Variants in WDR44 observed in about 807,000 individuals in gnomAD.
WDR44 encodes the protein WD repeat domain 44, also known as WD repeat-containing protein 44.
A neutral mutation model predicts 65.7 loss-of-function variants in WDR44; 9 were observed. The observed-to-expected ratio is 0.14, with a 90% CI of 0.08 to 0.24. The LOEUF (loss-of-function observed/expected upper bound fraction) is 0.24, where lower values mean the gene tolerates loss of function less well. Among genes scored for constraint, WDR44 ranks in the 10% least tolerant of loss-of-function variants. The pLI, the probability that WDR44 is intolerant of heterozygous loss-of-function variation, is 1.00. For missense variants in WDR44, 425 were observed against 670.9 expected (o/e 0.63, Z 4.05); for synonymous variants, 220 against 235.2 (o/e 0.94, Z 0.59).
chrX:118,350,332 ACTGT>A (rs754815894), intron 1 of WDR44, among the ~76,000 whole-genome samples: 3 of 111,620 alleles, frequency 2.7e-5, no homozygotes, highest in Non-Finnish European at 5.6e-5. Flanking sequence ...GATCAGTTTG[ACTGT>A]CTGGCGTTCT....
intron 1 of WDR44, among the ~76,000 whole-genome samples, chrX:118,352,374 G>C (rs1399252792): frequency 7.2e-5 from 1 of 13,866 alleles, no homozygotes; most frequent in East Asian, 1.7e-3. Flanking sequence ...TTTTTTTTTT[G>C]TAGAGATGGG....
At chrX:118,405,223 A>G (rs773614535) in intron 9 of WDR44, among the ~76,000 whole-genome samples, 1 of 109,041 alleles carries the variant, frequency 9.2e-6, no homozygotes, top group African/African-American at 3.4e-5. Flanking sequence ...TTTAGCAGAG[A>G]CAGGGTTTTG....
Position 118,409,486 on chromosome X carries a change from T to A in WDR44, c.1534-3T>A. 1 of 1,208,148 alleles carries A rather than the reference T, an allele frequency of 8.3e-7. No individual in the cohort carries two copies. Among genetic ancestry groups the A allele is most frequent in the Non-Finnish European group, 1.1e-6 (1 of 894,316 alleles). Reference sequence around the variant, plus strand: ...AACTTTGAAACTTCTTTTGTTTTCATAGGGAGCTGTTTGGACCATGAAATT... The same window carrying A: ...AACTTTGAAACTTCTTTTGTTTTCAAAGGGAGCTGTTTGGACCATGAAATT... On this transcript the variant is annotated splice_polypyrimidine_tract_variant and splice_region_variant and intron_variant, in intron 10 of 19. Transcript: ENST00000254029.
intron 12 of WDR44, among the ~76,000 whole-genome samples, chrX:118,424,295 A>ATGTGTATATATATATGTGTGTGTGTGTG (rs2057132729): frequency 1.6e-5 from 1 of 64,048 alleles, no homozygotes; most frequent in Admixed American, 1.8e-4. Flanking sequence ...GTGTGTGTGT[A>ATGTGTATATATATATGTGTGTGTGTGTG]TGTGTATATA....
intron 14 of WDR44, among the ~76,000 whole-genome samples, chrX:118,437,315 C>G (rs1226607626): frequency 8.9e-6 from 1 of 111,838 alleles, no homozygotes; most frequent in Non-Finnish European, 1.9e-5. Context: ...TATCTTTCCC[C>G]CAGAAATAAA....
intron 3 of WDR44, among the ~76,000 whole-genome samples, chrX:118,389,459 G>A (rs892558328): frequency 6.3e-5 from 7 of 111,227 alleles, no homozygotes; most frequent in African/African-American, 1.6e-4. Flanking sequence ...GGTGGCTCAC[G>A]CCTATAATCC....
intron 12 of WDR44, among the ~76,000 whole-genome samples, chrX:118,420,299 T>C (rs1331779707): frequency 9.0e-6 from 1 of 111,072 alleles, no homozygotes; most frequent in Non-Finnish European, 1.9e-5. Flanking sequence ...TCGCCGAGGC[T>C]GGAGTGCAGT....
At chrX:118,444,875 C>T (rs903776959) in intron 19 of WDR44, 5 of 307,466 alleles carry the variant, frequency 1.6e-5, no homozygotes, top group Non-Finnish European at 3.1e-5. Flanking sequence ...GCTGGGATTA[C>T]AGGCATGAGC....
At chrX:118,394,208 T>A in intron 5 of WDR44, 23 bp downstream of exon 5, 1 of 1,206,150 alleles carries the variant, frequency 8.3e-7, no homozygotes, top group Non-Finnish European at 1.1e-6. Context: ...GTGTTCTGTT[T>A]CATATAGACT....
Position 118,424,321 on chromosome X carries a change from GTGTA to G in WDR44, c.1738-8458_1738-8455del, listed in dbSNP as rs1569379429. 4.2e-3 allele frequency among the ~76,000 whole-genome samples: 266 copies of G among 63,438 alleles called. 5 individuals are homozygous for G. Among genetic ancestry groups the G allele is most frequent in the African/African-American group, 0.039 (256 of 6,596 alleles). 55.1% of individuals were successfully genotyped at this position (63,438 alleles called of 115,157 possible). On this transcript the variant is annotated intron_variant, in intron 12 of 19. Coordinates refer to ENST00000254029, the MANE Select transcript of WDR44 (RefSeq NM_019045.5). ...TGTGTATATATATATATGTGTGTGT[GTGTA>G]TATATATATATATATATATATATGT...
In WDR44 at chrX:118,375,103, A is replaced by T. The variant is rs183920345; in HGVS notation, c.78-3316A>T. On this transcript the variant is annotated intron_variant, in intron 1 of 19. Transcript: ENST00000254029. ...TGTCAGTAATTAGCCAATAACTTTG[A>T]TCCTATGAATCAACAGCCAGAGAGT... Among the ~76,000 whole-genome samples the T allele has an allele frequency of 3.0e-3, 333 of 111,711 alleles. 1 individual carries two copies. Among genetic ancestry groups the T allele is most frequent in the Non-Finnish European group, 4.6e-3 (245 of 53,165 alleles).
chrX:118,428,294 T>C (rs1602962243), intron 12 of WDR44, among the ~76,000 whole-genome samples: 1 of 108,609 alleles, frequency 9.2e-6, no homozygotes, highest in African/African-American at 3.3e-5. Context: ...TCTCAAAAAA[T>C]AGTAATAATA....
At chrX:118,385,741 T>A (rs1234871081) in intron 2 of WDR44, among the ~76,000 whole-genome samples, 2 of 111,717 alleles carry the variant, frequency 1.8e-5, no homozygotes, top group Non-Finnish European at 3.8e-5. Flanking sequence ...GGAAGTATTT[T>A]CTGATAAAAT....
intron 12 of WDR44, among the ~76,000 whole-genome samples, chrX:118,430,007 T>G (rs1424032746): frequency 9.0e-6 from 1 of 111,509 alleles, no homozygotes; most frequent in Admixed American, 9.6e-5. Flanking sequence ...GAAGAATGAT[T>G]AATCGTGATG....
At chrX:118,433,335 A>G (rs2057227395) in intron 13 of WDR44, among the ~76,000 whole-genome samples, 1 of 111,183 alleles carries the variant, frequency 9.0e-6, no homozygotes, top group African/African-American at 3.3e-5. Flanking sequence ...TATGTTCTAG[A>G]TTCCCTTCCT....
chrX:118,410,285 G>A (rs896504549), intron 11 of WDR44, among the ~76,000 whole-genome samples: 2 of 111,493 alleles, frequency 1.8e-5, no homozygotes, highest in Non-Finnish European at 3.8e-5. Context: ...GAAGAAAGGT[G>A]GCCATGGGTG....
chrX:118,407,382 T>G (rs188620358), intron 10 of WDR44, among the ~76,000 whole-genome samples: 33 of 109,986 alleles, frequency 3.0e-4, no homozygotes, highest in African/African-American at 1.1e-3. Context: ...GTGCCTGTAA[T>G]CCCAGCTACT....
At chrX:118,445,137 T>C (rs1273713112) in intron 19 of WDR44, 10 of 237,173 alleles carry the variant, frequency 4.2e-5, no homozygotes, top group Non-Finnish European at 7.8e-5. Context: ...CTACTAAAAA[T>C]ACAAAAAATT....
Position 118,409,614 on chromosome X carries a change from A to G in WDR44, c.1659A>G (p.Lys553=). ...AFDYFNNMRM[K]YNTEGRVSPS... ...ACTATTTCAACAATATGCGAATGAA[A>G]TACAATACTGAAGGTATTTTTCATC... The change falls in exon 11 of 20, where the codon AAA becomes AAG. Residue 553 remains lysine (K), a synonymous_variant. Transcript: ENST00000254029. The G allele has an allele frequency of 8.4e-7, 1 of 1,195,348 alleles. No homozygotes were observed. Among genetic ancestry groups the G allele is most frequent in the Admixed American group, 2.4e-5 (1 of 42,508 alleles).
Sources: allele counts gnomAD v4.1 joint callset (sites outside exome capture counted in the v4.1 genomes callset), GRCh38; gene constraint gnomAD v4.1.1; transcripts MANE v1.5; gene names NCBI Gene and HGNC (gene_info 2026-07-23, HGNC 2026-07-21).